The following SDK1 variants were observed in gnomAD, a reference collection of about 807,000 sequenced individuals.
SDK1 encodes the protein sidekick cell adhesion molecule 1.
A neutral mutation model predicts 245.5 loss-of-function variants in SDK1; 157 were observed. That is an observed-to-expected ratio of 0.64 (90% confidence interval 0.56 to 0.73). The LOEUF (loss-of-function observed/expected upper bound fraction) is 0.73, where lower values mean the gene tolerates loss of function less well. SDK1 is among the 30% of genes least tolerant of loss of function. The probability of loss-of-function intolerance (pLI) is 0.00; values close to 1 mark genes in which losing one functional copy is unlikely to be tolerated. For missense variants in SDK1, 3,583 were observed against 3,002.3 expected (o/e 1.19, Z -4.52); for synonymous variants, 1,647 against 1,278.5 (o/e 1.29, Z -6.15).
intron 1 of SDK1, among the ~76,000 whole-genome samples, chr7:3,579,793 A>G (rs1012937541): frequency 5.1e-4 from 78 of 152,340 alleles, no homozygotes; most frequent in African/African-American, 1.9e-3. Flanking sequence ...AAGGGCATCC[A>G]AAGAGAGAGG....
At chr7:3,360,632 G>A (rs1780925854) in intron 1 of SDK1, among the ~76,000 whole-genome samples, 1 of 152,184 alleles carries the variant, frequency 6.6e-6, no homozygotes, top group African/African-American at 2.4e-5. Context: ...TATATGACAA[G>A]CTGGCGTTGG....
intron 13 of SDK1, among the ~76,000 whole-genome samples, chr7:3,986,470 G>T (rs145879817): frequency 2.0e-5 from 3 of 152,212 alleles, no homozygotes; most frequent in Non-Finnish European, 4.4e-5. Context: ...AAACATTCCC[G>T]TTACATGTAT....
chr7:3,680,118 G>A (rs1203488349), intron 4 of SDK1, among the ~76,000 whole-genome samples: 2 of 152,194 alleles, frequency 1.3e-5, no homozygotes, highest in East Asian at 1.9e-4. Flanking sequence ...AGGAATGAAT[G>A]AATGAATGAA....
chr7:4,152,849 G>A (rs184202531), intron 30 of SDK1, among the ~76,000 whole-genome samples: 11 of 152,286 alleles, frequency 7.2e-5, no homozygotes, highest in African/African-American at 2.2e-4. Context: ...CTGTGACTAC[G>A]TCCAGGGAAT....
chr7:3,793,540 C>T (rs538306526), intron 4 of SDK1, among the ~76,000 whole-genome samples: 1 of 152,120 alleles, frequency 6.6e-6, no homozygotes, highest in African/African-American at 2.4e-5. Context: ...TTTAAGTGGA[C>T]CCGTGATCCT....
chr7:3,465,889 T>C (rs982817736), intron 1 of SDK1, among the ~76,000 whole-genome samples: 3 of 152,210 alleles, frequency 2.0e-5, no homozygotes, highest in Non-Finnish European at 4.4e-5. Context: ...TCATATAAAC[T>C]ACACCTAAGG....
intron 4 of SDK1, among the ~76,000 whole-genome samples, chr7:3,707,858 A>G (rs1784935633): frequency 6.6e-6 from 1 of 152,020 alleles, no homozygotes. Flanking sequence ...GTTTTATGTG[A>G]TATAAGAATA....
rs200750987 is a variant in SDK1, at chr7:4,241,751, C to T, written c.6131-42C>T. 27 of 1,612,284 alleles carry T rather than the reference C, an allele frequency of 1.7e-5. No homozygotes were observed. The African/African-American group carries it at 3.2e-4, about 19-fold the overall frequency. On this transcript the variant is annotated intron_variant, in intron 42 of 44. Transcript: ENST00000404826. ...TGGCTTGGCGTGGCTGCGGTGGCCA[C>T]ACCAGTAACACGTCTGTTCTCACTC...
At chr7:3,920,469 C>G (rs149034655) in intron 5 of SDK1, among the ~76,000 whole-genome samples, 172 of 152,164 alleles carry the variant, frequency 1.1e-3, no homozygotes, top group African/African-American at 4.0e-3. Flanking sequence ...GGAGTAGCTT[C>G]TAAGACTGTG....
intron 1 of SDK1, among the ~76,000 whole-genome samples, chr7:3,474,491 A>G (rs1383770217): frequency 6.6e-6 from 1 of 151,882 alleles, no homozygotes; most frequent in Non-Finnish European, 1.5e-5. Flanking sequence ...CCCTTGGCCT[A>G]CCCTTGACAT....
intron 17 of SDK1, among the ~76,000 whole-genome samples, chr7:4,043,600 C>G (rs1788801660): frequency 6.6e-6 from 1 of 152,150 alleles, no homozygotes; most frequent in African/African-American, 2.4e-5. Flanking sequence ...CATGGTGTGC[C>G]CCAGAGAGGC....
intron 35 of SDK1, among the ~76,000 whole-genome samples, chr7:4,187,075 G>A (rs1469927981): frequency 6.6e-6 from 1 of 152,178 alleles, no homozygotes; most frequent in Non-Finnish European, 1.5e-5. Flanking sequence ...TTGCAGTGTG[G>A]GTTGTGTGCA....
chr7:3,588,013 T>C (rs541832033), intron 1 of SDK1, among the ~76,000 whole-genome samples: 2 of 152,360 alleles, frequency 1.3e-5, no homozygotes, highest in South Asian at 4.1e-4. Flanking sequence ...AAATCAATTC[T>C]TTGTAAATTG....
intron 4 of SDK1, among the ~76,000 whole-genome samples, chr7:3,660,230 A>G (rs983922902): frequency 6.6e-6 from 1 of 152,080 alleles, no homozygotes; most frequent in Non-Finnish European, 1.5e-5. Flanking sequence ...GTAGAGAAAT[A>G]AGACACCCAT....
At chr7:3,735,682 A>G (rs1384988125) in intron 4 of SDK1, among the ~76,000 whole-genome samples, 1 of 152,166 alleles carries the variant, frequency 6.6e-6, no homozygotes, top group Non-Finnish European at 1.5e-5. Flanking sequence ...ATAGATACTG[A>G]GAAGTATTGT....
At chr7:4,135,296 C>G (rs1345396870) in intron 28 of SDK1, among the ~76,000 whole-genome samples, 1 of 152,222 alleles carries the variant, frequency 6.6e-6, no homozygotes, top group East Asian at 1.9e-4. Flanking sequence ...CCCCTACACC[C>G]TTGCCAGGAG....
chr7:3,641,217 T>A (rs1014362481), intron 3 of SDK1, among the ~76,000 whole-genome samples: 3 of 152,298 alleles, frequency 2.0e-5, no homozygotes, highest in African/African-American at 7.2e-5. Context: ...AAATACACTA[T>A]TTTGCCATAT....
intron 5 of SDK1, among the ~76,000 whole-genome samples, chr7:3,915,781 G>C (rs1383867705): frequency 6.6e-6 from 1 of 152,190 alleles, no homozygotes; most frequent in Non-Finnish European, 1.5e-5. Flanking sequence ...CGTGCTGACT[G>C]ACTGGGTTTT....
At chr7:4,052,964 G>A (rs1778968367) in intron 19 of SDK1, among the ~76,000 whole-genome samples, 1 of 151,694 alleles carries the variant, frequency 6.6e-6, no homozygotes, top group Non-Finnish European at 1.5e-5. Context: ...GCAGGCGCCT[G>A]TAATCCCAGC....
Sources: gnomAD v4.1 joint callset for allele counts (sites outside exome capture counted in the v4.1 genomes callset) on GRCh38, gnomAD v4.1.1 for gene constraint, MANE v1.5 for transcripts, NCBI Gene and HGNC (gene_info 2026-07-23, HGNC 2026-07-21) for gene names.